The following NCOA5 variants were observed in gnomAD, a reference collection of about 807,000 sequenced individuals.
The protein encoded by NCOA5 is nuclear receptor coactivator 5, also known as NCoA-5.
A neutral mutation model predicts 59.0 loss-of-function variants in NCOA5; 12 were observed. That is an observed-to-expected ratio of 0.20 (90% CI 0.13 to 0.33). The LOEUF (loss-of-function observed/expected upper bound fraction) is 0.33. Among genes scored for constraint, NCOA5 ranks in the 10% least tolerant of loss-of-function variants. The pLI is 1.00. For missense variants in NCOA5, 655 were observed against 766.6 expected (o/e 0.85, Z 1.72); for synonymous variants, 270 against 275.5 (o/e 0.98, Z 0.20).
At chr20:46,084,800 A>C (rs1038624903) in intron 1 of NCOA5, among the ~76,000 whole-genome samples, 3 of 152,250 alleles carry the variant, frequency 2.0e-5, no homozygotes, top group Non-Finnish European at 4.4e-5. Context: ...GCTAATCTAA[A>C]CTACAAAAAA....
chr20:46,088,113 T>C (rs2085063071), intron 1 of NCOA5, among the ~76,000 whole-genome samples: 1 of 152,230 alleles, frequency 6.6e-6, no homozygotes, highest in South Asian at 2.1e-4. Context: ...TACATTCACA[T>C]AAACAGATCT....
intron 7 of NCOA5, 110 bp downstream of exon 7, chr20:46,063,250 G>C: frequency 9.0e-7 from 1 of 1,111,360 alleles, no homozygotes; most frequent in Non-Finnish European, 1.3e-6. Flanking sequence ...GATGGACTTA[G>C]TTCCCTTACC....
chr20:46,070,098 C>A, intron 3 of NCOA5, 112 bp downstream of exon 3: 1 of 817,526 alleles, frequency 1.2e-6, no homozygotes, highest in Non-Finnish European at 1.9e-6. Flanking sequence ...TTGACAGTCA[C>A]CAGAAATAAA....
chr20:46,084,873 T>C (rs2085030318), intron 1 of NCOA5, among the ~76,000 whole-genome samples: 1 of 152,224 alleles, frequency 6.6e-6, no homozygotes. Context: ...TCAACTAAAC[T>C]GTACAAGTGG....
chr20:46,065,328 G>A, intron 5 of NCOA5, 100 bp from the exon 6 acceptor site: 2 of 1,069,656 alleles, frequency 1.9e-6, no homozygotes, highest in Non-Finnish European at 2.8e-6. Context: ...TCAAACCTTA[G>A]TCTACCCCAG....
At chr20:46,072,405 G>C (rs183702071) in intron 2 of NCOA5, among the ~76,000 whole-genome samples, 21 of 152,252 alleles carry the variant, frequency 1.4e-4, no homozygotes, top group African/African-American at 4.1e-4. Context: ...TGGGATCACG[G>C]AACACTACAG....
chr20:46,061,461 CCAAAA>C lies in NCOA5; in HGVS notation c.*834_*838del, dbSNP rs1301940145. 3 of 152,588 alleles carry C rather than the reference CCAAAA, an allele frequency of 2.0e-5. No individual in the cohort carries two copies. Among genetic ancestry groups the C allele is most frequent in the East Asian group, 1.9e-4 (1 of 5,178 alleles). 9.5% of individuals were successfully genotyped at this position (152,588 alleles called of 1,614,324 possible). A position where few individuals can be genotyped will look rare whatever the true frequency, so the allele number is the denominator to read the frequency against. Reference sequence around the variant, plus strand: ...GAGCCTGGGGTTTTGAGCCAAAAGCCCAAAACAAATCACTGAAGAAACGGGTGTTC... The same window carrying C: ...GAGCCTGGGGTTTTGAGCCAAAAGCCCAAATCACTGAAGAAACGGGTGTTC... On this transcript the variant is annotated 3_prime_UTR_variant, in exon 8 of 8. Transcript: ENST00000290231.
chr20:46,066,643 A>G (rs1458721594), intron 5 of NCOA5, among the ~76,000 whole-genome samples: 1 of 152,214 alleles, frequency 6.6e-6, no homozygotes, highest in African/African-American at 2.4e-5. Context: ...TCAGGTGGAA[A>G]CACTGGGAAA....
At chr20:46,084,032 T>A (rs1413696185) in intron 1 of NCOA5, among the ~76,000 whole-genome samples, 1 of 152,228 alleles carries the variant, frequency 6.6e-6, no homozygotes, top group Non-Finnish European at 1.5e-5. Flanking sequence ...TTTAACTGTA[T>A]TAGAATATTA....
In NCOA5 at chr20:46,062,819, C is replaced by A; in HGVS notation, c.1221G>T (p.Pro407=). The part of the protein sequence containing the change: ...ASLKTQPSSQ[P]LQSGQVLPSA... The stretch of plus-strand genomic sequence containing the variant: ...AGGGGAGCACTTGGCCGCTCTGGAG[C>A]GGTTGGGAGCTTGGCTGTGTCTTCA... The change falls in exon 8 of 8, where the codon CCG becomes CCT. Residue 407 remains proline, a synonymous_variant. Coordinates refer to ENST00000290231, the MANE Select transcript of NCOA5 (RefSeq NM_020967.3). The A allele has an allele frequency of 6.5e-7, 1 of 1,548,176 alleles. No individual in the cohort carries two copies. Among genetic ancestry groups the A allele is most frequent in the Non-Finnish European group, 8.7e-7 (1 of 1,146,820 alleles).
At chr20:46,083,282 A>C (rs1235589832) in intron 1 of NCOA5, among the ~76,000 whole-genome samples, 1 of 152,190 alleles carries the variant, frequency 6.6e-6, no homozygotes, top group East Asian at 1.9e-4. Flanking sequence ...AATGGCCAAA[A>C]CCACAAATAG....
chr20:46,079,572 A>C, intron 1 of NCOA5, 119 bp from the exon 2 acceptor site: 4 of 828,284 alleles, frequency 4.8e-6, no homozygotes, highest in Non-Finnish European at 5.8e-6. Context: ...GGTGTAAGAA[A>C]AGCCATTCAG....
rs775341318 is a variant in NCOA5, at chr20:46,070,286, T to C, written c.289A>G (p.Arg97Gly). Residue 97 changes from arginine (R) to glycine (G), a missense_variant, in exon 3 of 8, where the codon AGG becomes GGG. Physicochemically the swap from Arg to Gly is moderately radical, Grantham distance 125. Transcript: ENST00000290231. The part of the protein sequence containing the change: ...LRDFRDLRDS[R>G]DFRDQRDPMY... ...GGGTCTCGCTGATCTCGAAAATCCC[T>C]AGAGTCTCTTAGATCACGAAAGTCT... is the stretch of plus-strand genomic sequence containing the variant. 1 of 1,614,110 alleles carries C rather than the reference T, an allele frequency of 6.2e-7. No homozygotes were observed. The highest frequency in any genetic ancestry group is 8.5e-7 in the Non-Finnish European group (1 of 1,180,028).
chr20:46,067,307 G>T, intron 4 of NCOA5, 126 bp from the exon 5 acceptor site: 1 of 1,127,506 alleles, frequency 8.9e-7, no homozygotes, highest in Non-Finnish European at 1.2e-6. Flanking sequence ...AAAACAGCCA[G>T]TATTAATATT....
chr20:46,089,555 A>G (rs1476796642), intron 1 of NCOA5, among the ~76,000 whole-genome samples: 2 of 152,218 alleles, frequency 1.3e-5, no homozygotes, highest in Middle Eastern at 3.4e-3. Context: ...GGCGGCTGCG[A>G]TGCGACGCCG....
chr20:46,079,882 T>G (rs964827337), intron 1 of NCOA5, among the ~76,000 whole-genome samples: 4 of 152,186 alleles, frequency 2.6e-5, no homozygotes, highest in Non-Finnish European at 4.4e-5. Context: ...AATTCTATTT[T>G]ATGTTACTAA....
chr20:46,070,335 GT>G lies in NCOA5; in HGVS notation c.239del (p.Asp80AlafsTer5). 1 of 1,613,482 alleles carries G rather than the reference GT, an allele frequency of 6.2e-7. No individual in the cohort carries two copies. Among genetic ancestry groups the G allele is most frequent in the Non-Finnish European group, 8.5e-7 (1 of 1,179,934 alleles). ...CTCTAAGATCCCTCACGTCCCGAACGTCGCGCACACTCCTGCTGTCTCTGTG... is the reference window on the plus strand; with the variant it reads ...CTCTAAGATCCCTCACGTCCCGAACGCGCGCACACTCCTGCTGTCTCTGTG... ...RDHRDSRSVR[D>X]VRDVRDLRDF... On this transcript the variant is annotated frameshift_variant, in exon 3 of 8. Transcript: ENST00000290231. LOFTEE classifies it high-confidence loss of function.
At chr20:46,082,672 C>T (rs910912352) in intron 1 of NCOA5, among the ~76,000 whole-genome samples, 1 of 152,182 alleles carries the variant, frequency 6.6e-6, no homozygotes, top group Non-Finnish European at 1.5e-5. Flanking sequence ...ATCATAATCA[C>T]CATGAAGTGC....
chr20:46,073,422 G>C (rs2084905412), intron 2 of NCOA5, among the ~76,000 whole-genome samples: 1 of 152,168 alleles, frequency 6.6e-6, no homozygotes, highest in Admixed American at 6.5e-5. Flanking sequence ...ATAAAGTAAA[G>C]ACTAACCAAG....
Sources: gnomAD v4.1 joint callset for allele counts (sites outside exome capture counted in the v4.1 genomes callset) on GRCh38, gnomAD v4.1.1 for gene constraint, MANE v1.5 for transcripts, NCBI Gene and HGNC (gene_info 2026-07-23, HGNC 2026-07-21) for gene names.